Variants in SLC22A24 observed in about 807,000 individuals in gnomAD.
SLC22A24 encodes the protein steroid transmembrane transporter SLC22A24.
SLC22A24 carries 53 observed loss-of-function variants against 49.8 expected under a neutral mutation model. The observed-to-expected ratio is 1.06, with a 90% CI of 0.85 to 1.34. The LOEUF is 1.34. SLC22A24 is among the 40% of genes most tolerant of loss of function. The pLI is 0.00. For synonymous variants in SLC22A24, 302 were observed against 256.4 expected, an observed-to-expected ratio of 1.18 and a Z score of -1.70; for missense variants, 786 against 675.9, an observed-to-expected ratio of 1.16 and a Z score of -1.81.
At chr11:63,113,695 A>T (rs1252561773) in intron 4 of SLC22A24, among the ~76,000 whole-genome samples, 5 of 151,880 alleles carry the variant, frequency 3.3e-5, no homozygotes, top group African/African-American at 1.2e-4. Context: ...CTCTACTAAA[A>T]ATACAAAAAT....
chr11:63,121,808 G>A (rs2087254447), intron 2 of SLC22A24, among the ~76,000 whole-genome samples: 1 of 152,010 alleles, frequency 6.6e-6, no homozygotes, highest in African/African-American at 2.4e-5. Context: ...CCCCACAACA[G>A]TCCCCGGAGT....
At chr11:63,129,966 T>C (rs185223253) in intron 2 of SLC22A24, among the ~76,000 whole-genome samples, 108 of 152,352 alleles carry the variant, frequency 7.1e-4, no homozygotes, top group African/African-American at 2.5e-3. Flanking sequence ...ACACCCTTTA[T>C]TTCTTTCTCT....
At chr11:63,096,389 G>T (rs1489163887) in intron 5 of SLC22A24, among the ~76,000 whole-genome samples, 1 of 152,096 alleles carries the variant, frequency 6.6e-6, no homozygotes, top group African/African-American at 2.4e-5. Flanking sequence ...ATTATAAATC[G>T]GAGGAAATGA....
chr11:63,118,112 G>A (rs553260848), intron 4 of SLC22A24, among the ~76,000 whole-genome samples: 2 of 152,258 alleles, frequency 1.3e-5, no homozygotes, highest in South Asian at 4.1e-4. Flanking sequence ...TCCAAATAGG[G>A]TCTTAGGGGA....
intron 1 of SLC22A24, among the ~76,000 whole-genome samples, chr11:63,137,579 G>A (rs2087384491): frequency 6.6e-6 from 1 of 152,188 alleles, no homozygotes; most frequent in African/African-American, 2.4e-5. Flanking sequence ...CAGGAAAAAT[G>A]TTTGAGCTTT....
intron 2 of SLC22A24, among the ~76,000 whole-genome samples, chr11:63,128,384 G>C (rs1027127219): frequency 6.6e-6 from 1 of 152,022 alleles, no homozygotes; most frequent in Non-Finnish European, 1.5e-5. Context: ...AAAAGCACCC[G>C]CTACTTAGCA....
chr11:63,143,354 G>C lies in SLC22A24; in HGVS notation c.402+24C>G, dbSNP rs142448045. ...TCCAAACACTTTAATCATATAAACA[G>C]AAGATTTACATGGGGCCTCTTACCT... On this transcript the variant is annotated intron_variant, in intron 1 of 9. Coordinates refer to ENST00000612278, the MANE Select transcript of SLC22A24 (RefSeq NM_001136506.2). 5.4e-3 allele frequency: 7,702 copies of C among 1,434,224 alleles called. 43 individuals are homozygous for C. The highest frequency in any genetic ancestry group is 0.02 in the Middle Eastern group (108 of 5,340). 88.8% of individuals were successfully genotyped at this position (1,434,224 alleles called of 1,614,324 possible). A position where few individuals can be genotyped will look rare whatever the true frequency, so the allele number is the denominator to read the frequency against.
intron 5 of SLC22A24, among the ~76,000 whole-genome samples, chr11:63,099,515 A>G (rs1464292129): frequency 6.6e-6 from 1 of 150,392 alleles, no homozygotes; most frequent in Non-Finnish European, 1.5e-5. Flanking sequence ...AACTAGTACT[A>G]ATCCTACTCA....
Position 63,119,060 on chromosome 11 carries a change from G to A in SLC22A24, c.682C>T (p.Arg228Trp), listed in dbSNP as rs765203877. ...FILSLEWTLP[R>W]SRSMTIMVLL... ...ACCATTATTGTCATAGATCGTGACCGGGGCAATGTCCACTCTAAGCCTGGA... is the reference window on the plus strand; with the variant it reads ...ACCATTATTGTCATAGATCGTGACCAGGGCAATGTCCACTCTAAGCCTGGA... Residue 228 changes from arginine (R) to tryptophan (W), a missense_variant, in exon 4 of 10, where the codon CGG becomes TGG. Transcript: ENST00000612278. 4.8e-5 allele frequency: 75 copies of A among 1,549,632 alleles called. No individual in the cohort carries two copies. The highest frequency in any genetic ancestry group is 1.2e-4 in the Admixed American group (6 of 50,902).
intron 4 of SLC22A24, among the ~76,000 whole-genome samples, chr11:63,105,361 C>T (rs1453610947): frequency 8.0e-4 from 1 of 1,250 alleles, no homozygotes; most frequent in Non-Finnish European, 0.018. Flanking sequence ...AGCTCTGGCC[C>T]CAATTTCCCT....
At chr11:63,084,328 AG>A (rs895316468) in intron 6 of SLC22A24, among the ~76,000 whole-genome samples, 1 of 152,184 alleles carries the variant, frequency 6.6e-6, no homozygotes, top group African/African-American at 2.4e-5. Flanking sequence ...AAAATAAGGT[AG>A]GGATGCCTGT....
In SLC22A24 at chr11:63,081,554, G is replaced by A. The variant is rs180719329; in HGVS notation, c.1394+4C>T. The A allele has an allele frequency of 1.3e-6, 2 of 1,543,616 alleles. No individual in the cohort carries two copies. The highest frequency in any genetic ancestry group is 1.8e-6 in the Non-Finnish European group (2 of 1,139,676). ...TGAAACCAGATGGTCTTTAGCTCTTGTACCTCAATATGGTGGGGACGAGCT... is the reference window on the plus strand; with the variant it reads ...TGAAACCAGATGGTCTTTAGCTCTTATACCTCAATATGGTGGGGACGAGCT... On this transcript the variant is annotated splice_donor_region_variant and intron_variant, in intron 8 of 9. Coordinates refer to ENST00000612278, the MANE Select transcript of SLC22A24 (RefSeq NM_001136506.2).
intron 4 of SLC22A24, among the ~76,000 whole-genome samples, chr11:63,105,148 G>A (rs892416108): frequency 6.6e-6 from 1 of 152,226 alleles, no homozygotes; most frequent in African/African-American, 2.4e-5. Context: ...GGGTTCCCAT[G>A]GTCTTTGGCA....
In SLC22A24 at chr11:63,144,115, G is replaced by A. The variant is rs2087436469; in HGVS notation, c.-336C>T. 3 of 190,952 alleles carry A rather than the reference G, an allele frequency of 1.6e-5. No homozygotes were observed. Among genetic ancestry groups the A allele is most frequent in the South Asian group, 1.9e-4 (1 of 5,158 alleles). The allele number at this position is 190,952 out of a possible 1,614,324, so 11.8% of individuals were successfully genotyped here. A position where few individuals can be genotyped will look rare whatever the true frequency, so the allele number is the denominator to read the frequency against. On this transcript the variant is annotated 5_prime_UTR_variant, in exon 1 of 10. Coordinates refer to ENST00000612278, the MANE Select transcript of SLC22A24 (RefSeq NM_001136506.2). ...TCTCTGAGTTTCCTGATAAGTCAAC[G>A]GTGGATTTTCAGGTGGATGCAGTCC...
At chr11:63,087,927 A>C (rs1442814503) in intron 6 of SLC22A24, among the ~76,000 whole-genome samples, 6 of 152,164 alleles carry the variant, frequency 3.9e-5, no homozygotes. Context: ...TTACAGACAA[A>C]ATCCTCATTT....
Position 63,081,001 on chromosome 11 carries a change from A to G in SLC22A24, c.1517T>C (p.Ile506Thr). The G allele has an allele frequency of 6.4e-7, 1 of 1,552,038 alleles. No individual in the cohort carries two copies. The highest frequency in any genetic ancestry group is 8.7e-7 in the Non-Finnish European group (1 of 1,147,236). Reference protein sequence around the residue: ...LPWISYGVFPILAVPVILLLP... With the variant: ...LPWISYGVFPTLAVPVILLLP... ...GAGGAGGATAACAGGGACAGCAAGGATGGGGAAGACTCCATAGGAAATCCA... is the reference window on the plus strand; with the variant it reads ...GAGGAGGATAACAGGGACAGCAAGGGTGGGGAAGACTCCATAGGAAATCCA... The change falls in exon 9 of 10, where the codon ATC becomes ACC. Residue 506 changes from isoleucine to threonine, a missense_variant. By Grantham distance (89) the Ile-to-Thr change is moderately conservative (BLOSUM62 -1). Coordinates refer to ENST00000612278, the MANE Select transcript of SLC22A24 (RefSeq NM_001136506.2).
At chr11:63,103,224 T>C (rs1018579588) in intron 5 of SLC22A24, among the ~76,000 whole-genome samples, 5 of 152,132 alleles carry the variant, frequency 3.3e-5, no homozygotes, top group Admixed American at 1.3e-4. Flanking sequence ...GACTGACATG[T>C]ATTTATTAGT....
rs528512809 is a variant in SLC22A24 at position 63,082,778 on chromosome 11, G to A, written c.1285+465C>T. ...ATATGAGATAATAGGGAACTCAAAA[G>A]TGAATATACAGGGAAGAGGATATGG... On this transcript the variant is annotated intron_variant, in intron 7 of 9. Transcript: ENST00000612278. 3.9e-5 allele frequency among the ~76,000 whole-genome samples: 6 copies of A among 152,342 alleles called. No individual in the cohort carries two copies. In the East Asian group the frequency reaches 1.2e-3, roughly 29 times the overall value.
chr11:63,102,357 G>A (rs762663156), intron 5 of SLC22A24, among the ~76,000 whole-genome samples: 1 of 151,946 alleles, frequency 6.6e-6, no homozygotes, highest in Non-Finnish European at 1.5e-5. Context: ...GAAACAAGGG[G>A]CCCTCTAAAG....
Sources: gnomAD v4.1 joint callset for allele counts (sites outside exome capture counted in the v4.1 genomes callset) on GRCh38, gnomAD v4.1.1 for gene constraint, MANE v1.5 for transcripts, NCBI Gene and HGNC (gene_info 2026-07-23, HGNC 2026-07-21) for gene names.